PIK3C3: variants seen among roughly 807,000 people sequenced by gnomAD.
PIK3C3 encodes the protein phosphatidylinositol 3-kinase catalytic subunit type 3, also known as PI3-kinase type 3.
PIK3C3 carries 95 observed loss-of-function variants against 126.1 expected under a neutral mutation model. The observed-to-expected ratio is 0.75, with a 90% CI of 0.64 to 0.89. PIK3C3 has a LOEUF of 0.89. Ranked by LOEUF, PIK3C3 falls within the 40% of genes least tolerant of loss-of-function variation. PIK3C3 has a pLI of 0.00. For synonymous variants in PIK3C3, 374 were observed against 360.0 expected (o/e 1.04, Z -0.44); for missense variants, 829 against 1,063.2 (o/e 0.78, Z 3.06).
At chr18:42,062,651 C>G (rs1598946427) in intron 22 of PIK3C3, among the ~76,000 whole-genome samples, 1 of 152,034 alleles carries the variant, frequency 6.6e-6, no homozygotes, top group Non-Finnish European at 1.5e-5. Flanking sequence ...TCATCCAGTC[C>G]TGTGACTTTA....
intron 4 of PIK3C3, among the ~76,000 whole-genome samples, chr18:41,973,093 AC>A (rs2144317236): frequency 6.6e-6 from 1 of 152,228 alleles, no homozygotes; most frequent in Admixed American, 6.5e-5. Context: ...TTCTAAAAGT[AC>A]TGATATAGGA....
intron 2 of PIK3C3, 67 bp downstream of exon 2, chr18:41,957,825 TATA>T (rs1442525655): frequency 2.0e-5 from 24 of 1,209,938 alleles, no homozygotes; most frequent in Non-Finnish European, 2.7e-5. Context: ...ATGCTGCAAG[TATA>T]ATTTAGTAGG....
Position 42,083,710 on chromosome 18 carries a change from A to G in PIK3C3, c.*2573A>G, listed in dbSNP as rs897045484. ...ATGCCTTATCTCATTATTCTGTGAG[A>G]TAGAATTGTCTCCTCATTTTTTAGT... On this transcript the variant is annotated 3_prime_UTR_variant, in exon 25 of 25. Coordinates refer to ENST00000262039, the MANE Select transcript of PIK3C3 (RefSeq NM_002647.4). 2 of 152,126 alleles carry G rather than the reference A, an allele frequency of 1.3e-5. No homozygotes were observed. Among genetic ancestry groups the G allele is most frequent in the Admixed American group, 1.3e-4 (2 of 15,264 alleles). 9.4% of individuals were successfully genotyped at this position (152,126 alleles called of 1,614,324 possible).
rs187881299 is a variant in PIK3C3 at position 42,046,418 on chromosome 18, T to C, written c.2188+2601T>C. On this transcript the variant is annotated intron_variant, in intron 20 of 24. Transcript: ENST00000262039. ...CATGCAGCTAAATGTGGGAATACTG[T>C]TTATTCTCACATACACACATATCTT... Among the ~76,000 whole-genome samples, 4 of 152,312 alleles carry C rather than the reference T, an allele frequency of 2.6e-5. No individual in the cohort carries two copies. The East Asian group carries it at 7.7e-4, about 29-fold the overall frequency.
chr18:42,028,957 G>A (rs1011807408), intron 14 of PIK3C3, among the ~76,000 whole-genome samples: 23 of 152,020 alleles, frequency 1.5e-4, no homozygotes, highest in African/African-American at 5.3e-4. Flanking sequence ...CCATATACAT[G>A]TATATATGTC....
At chr18:42,076,196 A>ATATATATATATG (rs879781011) in intron 24 of PIK3C3, among the ~76,000 whole-genome samples, 4 of 106,802 alleles carry the variant, frequency 3.7e-5, no homozygotes, top group African/African-American at 1.3e-4. Context: ...ATATATGCAC[A>ATATATATATATG]CATATATATA....
intron 10 of PIK3C3, among the ~76,000 whole-genome samples, chr18:42,007,401 T>C (rs573230303): frequency 1.3e-5 from 2 of 152,272 alleles, no homozygotes; most frequent in South Asian, 2.1e-4. Context: ...CCATGAATTT[T>C]AGAATAATTT....
intron 13 of PIK3C3, among the ~76,000 whole-genome samples, chr18:42,025,008 T>C (rs1403091997): frequency 6.6e-5 from 10 of 151,630 alleles, no homozygotes; most frequent in Admixed American, 6.6e-4. Flanking sequence ...GAGACGGGGT[T>C]TCACCGTGTT....
chr18:41,966,002 A>G (rs1411805851), intron 3 of PIK3C3, among the ~76,000 whole-genome samples: 1 of 152,146 alleles, frequency 6.6e-6, no homozygotes, highest in Non-Finnish European at 1.5e-5. Flanking sequence ...AAAATAGGTC[A>G]TCCTACACTC....
Position 42,033,852 on chromosome 18 carries a change from A to G in PIK3C3, c.1734A>G (p.Gly578=). 1 of 1,604,922 alleles carries G rather than the reference A, an allele frequency of 6.2e-7. No individual in the cohort carries two copies. The highest frequency in any genetic ancestry group is 8.5e-7 in the Non-Finnish European group (1 of 1,174,662). The change falls in exon 16 of 25, where the codon GGA becomes GGG. Residue 578 remains glycine (G), a synonymous_variant. Coordinates refer to ENST00000262039, the MANE Select transcript of PIK3C3 (RefSeq NM_002647.4). ...ATGAGAGACTACAGGCATTGCTTGG[A>G]GATAATGAAAAGATGAATTTGTCAG... The part of the protein sequence containing the change: ...KKNERLQALL[G]DNEKMNLSDV...
At chr18:42,023,208 A>T (rs937980580) in intron 13 of PIK3C3, among the ~76,000 whole-genome samples, 3 of 152,224 alleles carry the variant, frequency 2.0e-5, no homozygotes, top group African/African-American at 7.2e-5. Context: ...ATATGTGTAT[A>T]TACTGATTAT....
chr18:42,062,812 GT>G (rs922222129), intron 22 of PIK3C3, among the ~76,000 whole-genome samples: 1 of 151,944 alleles, frequency 6.6e-6, no homozygotes, highest in Non-Finnish European at 1.5e-5. Flanking sequence ...CTAAAATCCT[GT>G]TCCTCTTCCA....
At chr18:42,056,089 A>T (rs993063942) in intron 21 of PIK3C3, among the ~76,000 whole-genome samples, 13 of 152,124 alleles carry the variant, frequency 8.5e-5, no homozygotes, top group African/African-American at 1.9e-4. Flanking sequence ...CATTTTTTTT[A>T]AATTTCATTA....
intron 15 of PIK3C3, 66 bp downstream of exon 15, chr18:42,029,507 C>A (rs1202574418): frequency 1.6e-5 from 9 of 559,694 alleles, no homozygotes; most frequent in East Asian, 8.2e-5. Context: ...TGAATTTTCA[C>A]TATTGTCTTT....
chr18:42,048,984 AG>A (rs1261336117), intron 20 of PIK3C3, among the ~76,000 whole-genome samples: 1 of 152,226 alleles, frequency 6.6e-6, no homozygotes, highest in Non-Finnish European at 1.5e-5. Flanking sequence ...GAATACAGCT[AG>A]AGCCAATGTC....
chr18:42,040,808 A>G, intron 19 of PIK3C3, 67 bp downstream of exon 19: 10 of 1,034,710 alleles, frequency 9.7e-6, no homozygotes, highest in Non-Finnish European at 1.5e-5. Flanking sequence ...CAGTCTTTAT[A>G]ACATAGAGTT....
intron 4 of PIK3C3, among the ~76,000 whole-genome samples, chr18:41,986,525 G>A (rs1981485173): frequency 6.6e-6 from 1 of 151,972 alleles, no homozygotes; most frequent in African/African-American, 2.4e-5. Flanking sequence ...TATTGATGTG[G>A]GTTCAGAAAG....
intron 19 of PIK3C3, among the ~76,000 whole-genome samples, chr18:42,041,011 G>A (rs986845456): frequency 6.6e-6 from 1 of 152,028 alleles, no homozygotes; most frequent in Admixed American, 6.6e-5. Context: ...GGTGAAACCT[G>A]TCTCTGCTAA....
At chr18:42,024,185 C>G (rs1036507107) in intron 13 of PIK3C3, among the ~76,000 whole-genome samples, 17 of 152,062 alleles carry the variant, frequency 1.1e-4, no homozygotes, top group African/African-American at 3.9e-4. Context: ...AACAGGTAGC[C>G]CACTGATGTC....
Sources: allele counts gnomAD v4.1 joint callset (sites outside exome capture counted in the v4.1 genomes callset), GRCh38; gene constraint gnomAD v4.1.1; transcripts MANE v1.5; gene names NCBI Gene and HGNC (gene_info 2026-07-23, HGNC 2026-07-21).